OR2M3: variants seen among roughly 807,000 people sequenced by gnomAD.
OR2M3 encodes the protein olfactory receptor family 2 subfamily M member 3, also known as olfactory receptor 2M3.
A neutral mutation model predicts 4.3 loss-of-function variants in OR2M3; 1 was observed. That is an observed-to-expected ratio of 0.23 (90% CI 0.08 to 1.11). OR2M3 has a LOEUF of 1.11. Ranked by LOEUF, OR2M3 falls within the 50% of genes most tolerant of loss-of-function variation. The pLI is 0.54. For missense variants in OR2M3, 410 were observed against 390.4 expected (o/e 1.05, Z -0.42); for synonymous variants, 151 against 139.4 (o/e 1.08, Z -0.59).
At chr1:248,202,796 T>G (rs1298212082) in intron 1 of OR2M3, among the ~76,000 whole-genome samples, 5 of 152,126 alleles carry the variant, frequency 3.3e-5, no homozygotes, top group Admixed American at 6.5e-5. Context: ...CATTATTTAT[T>G]AGATACTATA....
chr1:248,200,944 ATTG>A (rs931932113), intron 1 of OR2M3, among the ~76,000 whole-genome samples: 6 of 151,930 alleles, frequency 3.9e-5, no homozygotes, highest in African/African-American at 1.2e-4. Context: ...TTCAGCTTTC[ATTG>A]TTGTTGTTGT....
Position 248,203,944 on chromosome 1 carries a change from C to T in OR2M3, c.877C>T (p.Arg293Cys), listed in dbSNP as rs116642815. The T allele has an allele frequency of 6.2e-5, 100 of 1,613,652 alleles. No homozygotes were observed. The highest frequency in any genetic ancestry group is 3.9e-4 in the African/African-American group (29 of 74,824). Reference protein sequence around the residue: ...PMLNPLIYSLRNKEVTRAFMK... With the variant: ...PMLNPLIYSLCNKEVTRAFMK... ...GTTGAATCCCCTCATCTACAGCCTC[C>T]GCAACAAGGAGGTGACCAGAGCATT... Residue 293 changes from arginine to cysteine, a missense_variant, in exon 2 of 2, where the codon CGC (arginine) becomes TGC (cysteine). Coordinates refer to ENST00000641626, the MANE Select transcript of OR2M3 (RefSeq NM_001004689.2).
rs961057178 is a variant in OR2M3, at chr1:248,204,381, T to C, written c.*375T>C. The C allele has an allele frequency of 1.1e-4, 19 of 167,214 alleles. No individual in the cohort carries two copies. The highest frequency in any genetic ancestry group is 2.2e-4 in the Non-Finnish European group (17 of 78,002). 10.4% of individuals were successfully genotyped at this position (167,214 alleles called of 1,614,324 possible). ...ACTGTACCCAATGTGTAGTCTTTTA[T>C]CACTTGTCATTCCCCGTATTTCCCT... On this transcript the variant is annotated 3_prime_UTR_variant, in exon 2 of 2. Coordinates refer to ENST00000641626, the MANE Select transcript of OR2M3 (RefSeq NM_001004689.2).
At position 248,203,705 on chromosome 1, in the gene OR2M3, T is replaced by C. The variant is rs774244864; in HGVS notation, c.638T>C (p.Ile213Thr). The C allele has an allele frequency of 1.9e-6, 3 of 1,612,950 alleles. No individual in the cohort carries two copies. In the South Asian group the frequency reaches 3.3e-5, roughly 18 times the overall value. The change falls in exon 2 of 2, where the codon ATC becomes ACC. Residue 213 changes from isoleucine to threonine, a missense_variant. Transcript: ENST00000641626. ...CIVMIVFPVA[I>T]IIASYARVIL... Reference sequence around the variant, plus strand: ...GTAATGATTGTTTTCCCTGTTGCAATCATCATTGCTTCCTATGCTCGAGTT... The same window carrying C: ...GTAATGATTGTTTTCCCTGTTGCAACCATCATTGCTTCCTATGCTCGAGTT...
At position 248,208,308 on chromosome 1, in the gene OR2M3, C is replaced by A. The variant is rs1666244898; in HGVS notation, c.*4302C>A. On this transcript the variant is annotated 3_prime_UTR_variant, in exon 2 of 2. Coordinates refer to ENST00000641626, the MANE Select transcript of OR2M3 (RefSeq NM_001004689.2). ...AGTGGAACATTTAGGCCACTAACAT[C>A]AATGTCGGAATTGAGATGTGAGGTA... 1 of 152,094 alleles carries A rather than the reference C, an allele frequency of 6.6e-6. No individual in the cohort carries two copies. The highest frequency in any genetic ancestry group is 1.5e-5 in the Non-Finnish European group (1 of 67,998). The allele number at this position is 152,094 out of a possible 1,614,324, so 9.4% of individuals were successfully genotyped here.
At chr1:248,203,013 G>T (rs1666174211) in intron 1 of OR2M3, 37 bp from the exon 2 acceptor site, 15 of 1,550,850 alleles carry the variant, frequency 9.7e-6, no homozygotes, top group Middle Eastern at 1.7e-4. Context: ...ACTGAGTAAA[G>T]TTTTACCAAA....
intron 1 of OR2M3, among the ~76,000 whole-genome samples, chr1:248,201,545 T>C (rs1236137831): frequency 2.0e-5 from 3 of 151,998 alleles, no homozygotes; most frequent in Non-Finnish European, 2.9e-5. Flanking sequence ...GCTGCACCCA[T>C]TAACTCGTCA....
intron 1 of OR2M3, among the ~76,000 whole-genome samples, chr1:248,202,263 TC>T (rs376696817): frequency 7.7e-6 from 1 of 130,534 alleles, no homozygotes; most frequent in Non-Finnish European, 1.7e-5. Flanking sequence ...AATCCCTGCC[TC>T]CCCCATCACA....
At position 248,211,579 on chromosome 1, in the gene OR2M3, G is replaced by T. The variant is rs113678516; in HGVS notation, c.*7573G>T. 6.6e-6 allele frequency: 1 copy of T among 150,754 alleles called. No homozygotes were observed. The highest frequency in any genetic ancestry group is 1.5e-5 in the Non-Finnish European group (1 of 67,766). The allele number at this position is 150,754 out of a possible 1,614,324, so 9.3% of individuals were successfully genotyped here. ...CGCTCTGGGGCCCAGGCTGGAGTGC[G>T]GTGGTGCGATCTTGGCTCACTGCAA... On this transcript the variant is annotated 3_prime_UTR_variant, in exon 2 of 2. Coordinates refer to ENST00000641626, the MANE Select transcript of OR2M3 (RefSeq NM_001004689.2).
chr1:248,211,685 A>C lies in OR2M3; in HGVS notation c.*7679A>C, dbSNP rs1666284715. 6.6e-6 allele frequency: 1 copy of C among 152,016 alleles called. No homozygotes were observed. The highest frequency in any genetic ancestry group is 1.5e-5 in the Non-Finnish European group (1 of 67,992). 9.4% of individuals were successfully genotyped at this position (152,016 alleles called of 1,614,324 possible). A position where few individuals can be genotyped will look rare whatever the true frequency, so the allele number is the denominator to read the frequency against. On this transcript the variant is annotated 3_prime_UTR_variant, in exon 2 of 2. Transcript: ENST00000641626. ...GACTACAGGGGCCTGCTAATCTCTC[A>C]GGGCCCATGCGAAATCTATCTCAAT...
rs1310541371 is a variant in OR2M3 at position 248,211,561 on chromosome 1, G to A, written c.*7555G>A. The A allele has an allele frequency of 4.0e-5, 6 of 150,674 alleles. No individual in the cohort carries two copies. Among genetic ancestry groups the A allele is most frequent in the Admixed American group, 4.0e-4 (6 of 15,122 alleles). The allele number at this position is 150,674 out of a possible 1,614,324, so 9.3% of individuals were successfully genotyped here. ...TTTTTAATTACAGAGTCTCGCTCTGGGGCCCAGGCTGGAGTGCGGTGGTGC... is the reference window on the plus strand; with the variant it reads ...TTTTTAATTACAGAGTCTCGCTCTGAGGCCCAGGCTGGAGTGCGGTGGTGC... On this transcript the variant is annotated 3_prime_UTR_variant, in exon 2 of 2. Coordinates refer to ENST00000641626, the MANE Select transcript of OR2M3 (RefSeq NM_001004689.2).
rs768469332 is a variant in OR2M3, at chr1:248,210,402, A to G, written c.*6396A>G. 16 of 161,944 alleles carry G rather than the reference A, an allele frequency of 9.9e-5. No individual in the cohort carries two copies. Among genetic ancestry groups the G allele is most frequent in the South Asian group, 6.0e-4 (3 of 4,988 alleles). The allele number at this position is 161,944 out of a possible 1,614,324, so 10.0% of individuals were successfully genotyped here. A position where few individuals can be genotyped will look rare whatever the true frequency, so the allele number is the denominator to read the frequency against. ...TGTTACTGCAGTAGTTCTTGGCACAAAATTTCACAATGTGAGTTTCCATAC... is the reference window on the plus strand; with the variant it reads ...TGTTACTGCAGTAGTTCTTGGCACAGAATTTCACAATGTGAGTTTCCATAC... On this transcript the variant is annotated 3_prime_UTR_variant, in exon 2 of 2. Transcript: ENST00000641626.
Position 248,208,736 on chromosome 1 carries a change from C to T in OR2M3, c.*4730C>T, listed in dbSNP as rs1198460877. ...TGATAGGTTTTTCTTTACAGGTTAC[C>T]TGATGCTTTTCTCTCACGGCTGACA... On this transcript the variant is annotated 3_prime_UTR_variant, in exon 2 of 2. Coordinates refer to ENST00000641626, the MANE Select transcript of OR2M3 (RefSeq NM_001004689.2). 1 of 152,084 alleles carries T rather than the reference C, an allele frequency of 6.6e-6. No individual in the cohort carries two copies. Among genetic ancestry groups the T allele is most frequent in the East Asian group, 1.9e-4 (1 of 5,200 alleles). The allele number at this position is 152,084 out of a possible 1,614,324, so 9.4% of individuals were successfully genotyped here.
chr1:248,198,254 T>A (rs1410078805), intron 1 of OR2M3, among the ~76,000 whole-genome samples: 1 of 152,182 alleles, frequency 6.6e-6, no homozygotes, highest in Non-Finnish European at 1.5e-5. Flanking sequence ...ATTCCAGTAT[T>A]GCTGTGCTTC....
At chr1:248,202,918 C>T in intron 1 of OR2M3, 132 bp from the exon 2 acceptor site, 1 of 788,208 alleles carries the variant, frequency 1.3e-6, no homozygotes, top group Non-Finnish European at 2.1e-6. Context: ...TTCTATATTT[C>T]TTGACCTTTT....
rs967728178 is a variant in OR2M3, at chr1:248,199,563, C to T, written c.-19+2262C>T. Among the ~76,000 whole-genome samples the T allele has an allele frequency of 2.3e-4, 35 of 152,152 alleles. 1 individual carries two copies. In the Middle Eastern group the frequency reaches 0.01, roughly 44 times the overall value. On this transcript the variant is annotated intron_variant, in intron 1 of 1. Coordinates refer to ENST00000641626, the MANE Select transcript of OR2M3 (RefSeq NM_001004689.2). ...GACTTTCAGAGTTGGATCTCATATT[C>T]CTAGTGCCTAAATTAAGCACAATCT... is the stretch of plus-strand genomic sequence containing the variant.
chr1:248,203,414 C>T lies in OR2M3; in HGVS notation c.347C>T (p.Ala116Val). 1 of 1,614,030 alleles carries T rather than the reference C, an allele frequency of 6.2e-7. No individual in the cohort carries two copies. The change falls in exon 2 of 2, where the codon GCT (alanine) becomes GTT (valine). Residue 116 changes from alanine (A) to valine (V), a missense_variant. Transcript: ENST00000641626. ...SLLGSECFLL[A>V]VMAYDRYTAI... ...CTTGGCTCTGAGTGCTTTCTTTTGG[C>T]TGTTATGGCTTATGACCGCTACACT...
chr1:248,210,148 A>C lies in OR2M3; in HGVS notation c.*6142A>C, dbSNP rs115712859. On this transcript the variant is annotated 3_prime_UTR_variant, in exon 2 of 2. Coordinates refer to ENST00000641626, the MANE Select transcript of OR2M3 (RefSeq NM_001004689.2). ...CCGGCAGTCACCAGCTTCACTCAGC[A>C]TCCACACAGCCCACAGTCCTAAAGG... 2 of 152,760 alleles carry C rather than the reference A, an allele frequency of 1.3e-5. No individual in the cohort carries two copies. Among genetic ancestry groups the C allele is most frequent in the African/African-American group, 4.8e-5 (2 of 41,374 alleles). 9.5% of individuals were successfully genotyped at this position (152,760 alleles called of 1,614,324 possible). A position where few individuals can be genotyped will look rare whatever the true frequency, so the allele number is the denominator to read the frequency against.
At chr1:248,202,925 T>G in intron 1 of OR2M3, 125 bp from the exon 2 acceptor site, 1 of 839,738 alleles carries the variant, frequency 1.2e-6, no homozygotes, top group Non-Finnish European at 1.9e-6. Flanking sequence ...TTTCTTGACC[T>G]TTTAGTTTCC....
Sources: gnomAD v4.1 joint callset for allele counts (sites outside exome capture counted in the v4.1 genomes callset) on GRCh38, gnomAD v4.1.1 for gene constraint, MANE v1.5 for transcripts, NCBI Gene and HGNC (gene_info 2026-07-23, HGNC 2026-07-21) for gene names.